NEDD4: variants seen among roughly 807,000 people sequenced by gnomAD.
The protein encoded by NEDD4 is E3 ubiquitin-protein ligase NEDD4.
Under a neutral mutation model 144.9 loss-of-function variants are expected in NEDD4, and 99 were observed. That is an observed-to-expected ratio of 0.68 (90% CI 0.58 to 0.81). NEDD4 has a LOEUF of 0.81. Among genes scored for constraint, NEDD4 ranks in the 30% least tolerant of loss-of-function variants. The probability of loss-of-function intolerance (pLI) is 0.00; values close to 1 mark genes in which losing one functional copy is unlikely to be tolerated. For missense variants in NEDD4, 985 were observed against 1,065.9 expected, an observed-to-expected ratio of 0.92 and a Z score of 1.06; for synonymous variants, 318 against 350.6, an observed-to-expected ratio of 0.91 and a Z score of 1.04.
At chr15:55,896,100 GC>G (rs1167404130) in intron 5 of NEDD4, among the ~76,000 whole-genome samples, 1 of 152,064 alleles carries the variant, frequency 6.6e-6, no homozygotes, top group Non-Finnish European at 1.5e-5. Context: ...ATTAACAAAA[GC>G]CCCCCAATAG....
At chr15:55,993,450 C>T in intron 1 of NEDD4, 61 bp downstream of exon 1, 4 of 1,571,054 alleles carry the variant, frequency 2.5e-6, no homozygotes, top group Non-Finnish European at 3.5e-6. Flanking sequence ...GCTACCTCCC[C>T]GGGTCCGGCT....
chr15:55,901,618 T>TC (rs2035917183), intron 5 of NEDD4, among the ~76,000 whole-genome samples: 1 of 152,166 alleles, frequency 6.6e-6, no homozygotes, highest in South Asian at 2.1e-4. Flanking sequence ...AAGAAGTGCT[T>TC]CCCCAGATTC....
At chr15:55,964,872 T>C (rs779374108) in intron 2 of NEDD4, among the ~76,000 whole-genome samples, 2 of 152,152 alleles carry the variant, frequency 1.3e-5, no homozygotes, top group Non-Finnish European at 2.9e-5. Context: ...AATAGATTAA[T>C]GCCCTCCCTC....
intron 18 of NEDD4, among the ~76,000 whole-genome samples, chr15:55,845,061 A>G (rs1253988801): frequency 2.0e-5 from 3 of 152,086 alleles, no homozygotes; most frequent in South Asian, 2.1e-4. Flanking sequence ...CTAGATACAG[A>G]TTTTATTTTT....
intron 4 of NEDD4, among the ~76,000 whole-genome samples, chr15:55,942,640 G>A (rs1566962460): frequency 6.6e-6 from 1 of 152,154 alleles, no homozygotes; most frequent in Non-Finnish European, 1.5e-5. Flanking sequence ...GTGGAACTGT[G>A]AGTCAATTAC....
intron 18 of NEDD4, among the ~76,000 whole-genome samples, chr15:55,844,060 T>A (rs2033634439): frequency 6.6e-6 from 1 of 152,062 alleles, no homozygotes; most frequent in Admixed American, 6.6e-5. Context: ...GCTATTGACT[T>A]CAAATGAGGC....
intron 5 of NEDD4, among the ~76,000 whole-genome samples, chr15:55,906,225 G>A (rs1327289934): frequency 1.3e-5 from 2 of 152,154 alleles, no homozygotes; most frequent in Admixed American, 6.5e-5. Context: ...ACAGTGTGGC[G>A]ATTCCTCACG....
At chr15:55,975,670 T>C (rs759010689) in intron 1 of NEDD4, among the ~76,000 whole-genome samples, 3 of 151,502 alleles carry the variant, frequency 2.0e-5, no homozygotes, top group African/African-American at 4.9e-5. Flanking sequence ...TGTTCATGGA[T>C]TGGAACAATC....
chr15:55,993,587 C>A lies in NEDD4; in HGVS notation c.-32G>T. ...ACGCTTCCAGCAAACCGGACGCGCT[C>A]GCCCCCGCCCAGGGCAGGCAACTGT... is the stretch of plus-strand genomic sequence containing the variant. On this transcript the variant is annotated 5_prime_UTR_variant, in exon 1 of 29. Transcript: ENST00000435532. The A allele has an allele frequency of 6.3e-7, 1 of 1,587,738 alleles. No individual in the cohort carries two copies. Among genetic ancestry groups the A allele is most frequent in the Middle Eastern group, 2.3e-4 (1 of 4,398 alleles).
chr15:55,949,108 GA>G (rs1189250082), intron 4 of NEDD4, among the ~76,000 whole-genome samples: 11 of 151,954 alleles, frequency 7.2e-5, no homozygotes, highest in Non-Finnish European at 1.5e-4. Flanking sequence ...AAATTTACAA[GA>G]AAAAAACAAC....
chr15:55,977,556 G>A (rs1257559731), intron 1 of NEDD4, among the ~76,000 whole-genome samples: 2 of 152,070 alleles, frequency 1.3e-5, no homozygotes, highest in Non-Finnish European at 2.9e-5. Context: ...ACTCTGACTG[G>A]AGATGCTAGA....
intron 5 of NEDD4, among the ~76,000 whole-genome samples, chr15:55,893,222 T>C (rs920503114): frequency 2.6e-5 from 4 of 152,228 alleles, no homozygotes; most frequent in African/African-American, 7.2e-5. Flanking sequence ...ATCTTAATCA[T>C]TGTTAATAAC....
chr15:55,868,272 C>A (rs537341206), intron 8 of NEDD4, among the ~76,000 whole-genome samples: 1 of 152,264 alleles, frequency 6.6e-6, no homozygotes, highest in South Asian at 2.1e-4. Flanking sequence ...CCTAAGCAGG[C>A]CCTCAGTCAG....
intron 4 of NEDD4, among the ~76,000 whole-genome samples, chr15:55,947,800 C>T (rs1403037551): frequency 6.6e-6 from 1 of 152,112 alleles, no homozygotes; most frequent in African/African-American, 2.4e-5. Context: ...TGGGACGTAT[C>T]TCAAAATAAT....
chr15:55,883,765 T>TGA (rs1198177023), intron 5 of NEDD4, among the ~76,000 whole-genome samples: 5 of 151,386 alleles, frequency 3.3e-5, no homozygotes, highest in Non-Finnish European at 7.4e-5. Flanking sequence ...TATTTGTGTG[T>TGA]GAGAGAGAGA....
At chr15:55,915,036 A>G (rs2036390087) in intron 5 of NEDD4, among the ~76,000 whole-genome samples, 1 of 152,074 alleles carries the variant, frequency 6.6e-6, no homozygotes, top group African/African-American at 2.4e-5. Flanking sequence ...GAAAAGTTTT[A>G]TAGCTTAAAT....
At chr15:55,913,135 A>G (rs954283546) in intron 5 of NEDD4, among the ~76,000 whole-genome samples, 3 of 152,122 alleles carry the variant, frequency 2.0e-5, no homozygotes, top group Admixed American at 2.0e-4. Context: ...TGACCAAAGC[A>G]GTGATTTAAT....
At chr15:55,916,267 T>G in intron 5 of NEDD4, 2 of 1,614,086 alleles carry the variant, frequency 1.2e-6, no homozygotes, top group Middle Eastern at 3.3e-4. Flanking sequence ...TAACTACTAC[T>G]GTCACTGATG....
intron 4 of NEDD4, among the ~76,000 whole-genome samples, chr15:55,933,409 C>A (rs998683827): frequency 6.6e-6 from 1 of 151,712 alleles, no homozygotes; most frequent in Admixed American, 6.6e-5. Flanking sequence ...AACCATCATT[C>A]TGAGCAAACT....
Sources: allele counts gnomAD v4.1 joint callset (sites outside exome capture counted in the v4.1 genomes callset), GRCh38; gene constraint gnomAD v4.1.1; transcripts MANE v1.5; gene names NCBI Gene and HGNC (gene_info 2026-07-23, HGNC 2026-07-21).